The following WDR64 variants were observed in gnomAD, a reference collection of about 807,000 sequenced individuals.
WDR64 encodes the protein WD repeat-containing protein 64.
WDR64 carries 112 observed loss-of-function variants against 139.3 expected under a neutral mutation model. The ratio of observed to expected loss-of-function variants is 0.80; its 90% confidence interval spans 0.69 to 0.94. The LOEUF is 0.94. Ranked by LOEUF, WDR64 falls within the 40% of genes least tolerant of loss-of-function variation. WDR64 has a pLI of 0.00. For synonymous variants in WDR64, 444 were observed against 437.7 expected (o/e 1.01, Z -0.18); for missense variants, 1,206 against 1,293.1 (o/e 0.93, Z 1.03).
At chr1:241,771,631 A>G (rs1414726001) in intron 18 of WDR64, 30 bp from the exon 19 acceptor site, 19 of 1,462,714 alleles carry the variant, frequency 1.3e-5, no homozygotes, top group Non-Finnish European at 1.7e-5. Flanking sequence ...ATGTCATGGA[A>G]GTCTTTTCTC....
intron 10 of WDR64, among the ~76,000 whole-genome samples, chr1:241,733,019 CA>C (rs1470936148): frequency 6.6e-6 from 1 of 152,122 alleles, no homozygotes; most frequent in Non-Finnish European, 1.5e-5. Flanking sequence ...TTAATTCTTA[CA>C]AAAGGCTCCA....
At chr1:241,699,079 CCCCATGATTCAATTATCT>C (rs1265503398) in intron 8 of WDR64, among the ~76,000 whole-genome samples, 1 of 152,096 alleles carries the variant, frequency 6.6e-6, no homozygotes, top group African/African-American at 2.4e-5. Context: ...GGGTAACTGC[CCCCATGATTCAATTATCT>C]CCCACAGGGT....
intron 9 of WDR64, among the ~76,000 whole-genome samples, chr1:241,723,035 CAAGAA>C (rs1240066196): frequency 6.6e-6 from 1 of 152,020 alleles, no homozygotes; most frequent in African/African-American, 2.4e-5. Flanking sequence ...AGGATTGAGT[CAAGAA>C]AAGAACTCAT....
chr1:241,749,461 T>C, intron 13 of WDR64, 86 bp from the exon 14 acceptor site: 1 of 1,459,924 alleles, frequency 6.8e-7, no homozygotes. Context: ...CAGAAAGCTT[T>C]CGATCGGATG....
At chr1:241,726,229 T>C (rs1482069567) in intron 10 of WDR64, among the ~76,000 whole-genome samples, 1 of 151,696 alleles carries the variant, frequency 6.6e-6, no homozygotes, top group Non-Finnish European at 1.5e-5. Context: ...TGATAATAAT[T>C]TGGCTATATA....
chr1:241,742,054 C>T (rs968961543), intron 12 of WDR64, among the ~76,000 whole-genome samples: 3 of 152,096 alleles, frequency 2.0e-5, no homozygotes, highest in East Asian at 1.9e-4. Flanking sequence ...ATTCAGAATA[C>T]GTACCAAGAG....
At chr1:241,723,922 C>T (rs186855651) in intron 10 of WDR64, among the ~76,000 whole-genome samples, 1 of 151,798 alleles carries the variant, frequency 6.6e-6, no homozygotes, top group East Asian at 1.9e-4. Flanking sequence ...CATAAGGTGG[C>T]TAGTTGCAAT....
chr1:241,696,921 T>C (rs967856904), intron 8 of WDR64, among the ~76,000 whole-genome samples: 1 of 152,304 alleles, frequency 6.6e-6, no homozygotes, highest in East Asian at 1.9e-4. Flanking sequence ...CCAGCCCCTA[T>C]TCAAGATGGA....
Position 241,796,365 on chromosome 1 carries a change from GAA to G in WDR64, c.3191_3192del (p.Lys1064SerfsTer78). The part of the protein sequence containing the change: ...GKKKGGHVQR[E>X]KAPRRRSLKK... ...GAAGAAGGGAGGTCATGTTCAACGT[GAA>G]AAAGTAAGTTAGTACTAATTCCACC... On this transcript the variant is annotated frameshift_variant, in exon 27 of 28. Transcript: ENST00000437684. LOFTEE classifies it high-confidence loss of function. The G allele has an allele frequency of 1.2e-6, 2 of 1,607,194 alleles. No homozygotes were observed.
rs1453835749 is a variant in WDR64, at chr1:241,753,037, C to T, written c.1770+3315C>T. 5.9e-5 allele frequency among the ~76,000 whole-genome samples: 9 copies of T among 152,286 alleles called. No homozygotes were observed. In the East Asian group the frequency reaches 1.7e-3, roughly 29 times the overall value. ...AAGAATCCACCAGTACGTAGGAGTA[C>T]TATGGGCCCATACTTTTAAATTAAC... On this transcript the variant is annotated intron_variant, in intron 14 of 27. Transcript: ENST00000437684.
chr1:241,771,288 G>A (rs1356133156), intron 18 of WDR64, among the ~76,000 whole-genome samples: 1 of 152,152 alleles, frequency 6.6e-6, no homozygotes, highest in Non-Finnish European at 1.5e-5. Context: ...TATCTGATTA[G>A]CTTTAGAGCT....
intron 15 of WDR64, among the ~76,000 whole-genome samples, chr1:241,762,012 C>T (rs1018543174): frequency 6.6e-6 from 1 of 152,162 alleles, no homozygotes; most frequent in Non-Finnish European, 1.5e-5. Context: ...ATTTTGACCT[C>T]CTCCCATGAA....
intron 25 of WDR64, among the ~76,000 whole-genome samples, chr1:241,794,502 C>CTTTTTTTTTTTTTTTTTTTTT (rs1659299229): frequency 1.9e-5 from 2 of 105,024 alleles, no homozygotes; most frequent in Non-Finnish European, 1.8e-5. Flanking sequence ...TTAAGCTTTA[C>CTTTTTTTTTTTTTTTTTTTTT]TGTTTTTTTT....
Position 241,772,887 on chromosome 1 carries a change from G to T in WDR64, c.2386G>T (p.Val796Phe). ...ACCAGAAGCCCAGCCACCTATCCTT[G>T]TCACTGCTCATGAGGATGGACACCT... ...NLPEAQPPIL[V>F]TAHEDGHLRL... The change falls in exon 20 of 28, where the codon GTC (valine) becomes TTC (phenylalanine). Residue 796 changes from valine (V) to phenylalanine (F), a missense_variant. Coordinates refer to ENST00000437684, the MANE Select transcript of WDR64 (RefSeq NM_001367482.1). The T allele has an allele frequency of 1.9e-6, 3 of 1,551,952 alleles. No homozygotes were observed. The highest frequency in any genetic ancestry group is 2.6e-6 in the Non-Finnish European group (3 of 1,147,030).
intron 19 of WDR64, 90 bp from the exon 20 acceptor site, chr1:241,772,702 A>G (rs1019076808): frequency 1.3e-4 from 171 of 1,347,826 alleles, no homozygotes; most frequent in Middle Eastern, 9.3e-4. Context: ...ACCTCAAGTG[A>G]TCCACCTGCC....
intron 8 of WDR64, among the ~76,000 whole-genome samples, chr1:241,705,685 T>C (rs1667926928): frequency 6.6e-6 from 1 of 152,002 alleles, no homozygotes; most frequent in African/African-American, 2.4e-5. Flanking sequence ...GTTCCTGGGA[T>C]CAAGCAATCC....
chr1:241,789,216 G>A (rs924125414), intron 24 of WDR64, among the ~76,000 whole-genome samples: 1 of 152,106 alleles, frequency 6.6e-6, no homozygotes, highest in Admixed American at 6.6e-5. Context: ...TTTAGCGTAG[G>A]ACACGTGCTC....
rs373855676 is a variant in WDR64, at chr1:241,783,230, A to G, written c.2596-42A>G. 3.3e-6 allele frequency: 5 copies of G among 1,515,878 alleles called. No individual in the cohort carries two copies. The African/African-American group carries it at 5.5e-5, about 17-fold the overall frequency. 93.9% of individuals were successfully genotyped at this position (1,515,878 alleles called of 1,614,324 possible). On this transcript the variant is annotated intron_variant, in intron 22 of 27. Transcript: ENST00000437684. ...TGTTGAAGATTACATTTTTACTAGCATATAGTTATTCCGAGGAATATGCCT... is the reference window on the plus strand; with the variant it reads ...TGTTGAAGATTACATTTTTACTAGCGTATAGTTATTCCGAGGAATATGCCT...
In WDR64 at chr1:241,757,416, A is replaced by T; in HGVS notation, c.1904A>T (p.Asp635Val). 1.2e-6 allele frequency: 2 copies of T among 1,613,772 alleles called. No individual in the cohort carries two copies. The highest frequency in any genetic ancestry group is 1.3e-5 in the African/African-American group (1 of 75,036). The change falls in exon 15 of 28, where the codon GAT becomes GTT. Residue 635 changes from aspartate (D) to valine (V), a missense_variant. Asp to Val is a radical substitution (Grantham distance 152). Coordinates refer to ENST00000437684, the MANE Select transcript of WDR64 (RefSeq NM_001367482.1). ...RDRNMAIPFP[D>V]VELIVERNFS... ...AGGAACATGGCTATTCCTTTCCCAG[A>T]TGTCGAGTTGATAGTTGAGAGGAAC...
Sources: gnomAD v4.1 joint callset for allele counts (sites outside exome capture counted in the v4.1 genomes callset) on GRCh38, gnomAD v4.1.1 for gene constraint, MANE v1.5 for transcripts, NCBI Gene and HGNC (gene_info 2026-07-23, HGNC 2026-07-21) for gene names.